NAPSA: variants seen among roughly 807,000 people sequenced by gnomAD.
NAPSA encodes napsin-A.
Under a neutral mutation model 36.7 loss-of-function variants are expected in NAPSA, and 37 were observed. The observed-to-expected ratio is 1.01, with a 90% CI of 0.78 to 1.33. The LOEUF (loss-of-function observed/expected upper bound fraction) is 1.33. Ranked by LOEUF, NAPSA falls within the 40% of genes most tolerant of loss-of-function variation. NAPSA has a pLI of 0.00. For missense variants in NAPSA, 532 were observed against 543.8 expected (o/e 0.98, Z 0.21); for synonymous variants, 222 against 234.5 (o/e 0.95, Z 0.49).
intron 5 of NAPSA, among the ~76,000 whole-genome samples, chr19:50,360,293 G>A (rs949934268): frequency 3.9e-5 from 6 of 152,176 alleles, no homozygotes; most frequent in Non-Finnish European, 8.8e-5. Context: ...GGCTGAGAGC[G>A]ATGGGAACAG....
upstream of NAPSA, chr19:50,365,741 C>T (rs767205270): frequency 1.6e-4 from 117 of 748,952 alleles, 1 homozygote; most frequent in Middle Eastern, 1.1e-3. Context: ...GAAATCTGTC[C>T]GCAGGTGACG....
chr19:50,363,589 G>A (rs1253844794), intron 1 of NAPSA, among the ~76,000 whole-genome samples: 1 of 151,410 alleles, frequency 6.6e-6, no homozygotes, highest in Non-Finnish European at 1.5e-5. Context: ...TTTAGACAAG[G>A]TGTCACCCTG....
chr19:50,369,099 A>G (rs2037584391), upstream of NAPSA: 1 of 152,210 alleles, frequency 6.6e-6, no homozygotes, highest in Non-Finnish European at 1.5e-5. Flanking sequence ...ATCTTTCCCG[A>G]ATCCCCTCAG....
chr19:50,362,715 C>T (rs779685412), intron 1 of NAPSA: 4 of 157,298 alleles, frequency 2.5e-5, no homozygotes, highest in Non-Finnish European at 5.6e-5. Flanking sequence ...AAAATGTAAG[C>T]GTCAAATCTT....
In NAPSA at chr19:50,358,647, A is replaced by G. The variant is rs768316343; in HGVS notation, c.1169T>C (p.Met390Thr). The change falls in exon 9 of 9, where the codon ATG (methionine) becomes ACG (threonine). Residue 390 changes from methionine (M) to threonine (T), a missense_variant. Physicochemically the swap from Met to Thr is moderately conservative, Grantham distance 81. This residue lies in a region of NAPSA where 385 missense variants were observed against 371.5 expected (regional missense o/e 1.04). Coordinates refer to ENST00000253719, the MANE Select transcript of NAPSA (RefSeq NM_004851.3). ...CAGGCCCACCCGGGCGCTGCTCTTC[A>G]TGTCCCCGCGGTCGAAGACGGCCAC... ...TYVAVFDRGD[M>T]KSSARVGLAR... is the part of the protein sequence containing the mutation. The G allele has an allele frequency of 3.1e-6, 5 of 1,612,938 alleles. No individual in the cohort carries two copies. Among genetic ancestry groups the G allele is most frequent in the Non-Finnish European group, 4.2e-6 (5 of 1,179,906 alleles).
chr19:50,363,131 C>T (rs1377506778), intron 1 of NAPSA, among the ~76,000 whole-genome samples: 5 of 152,212 alleles, frequency 3.3e-5, no homozygotes, highest in South Asian at 2.1e-4. Flanking sequence ...CCTTTAGTCA[C>T]TCCTTGAAGC....
At chr19:50,367,955 C>T (rs28866598), upstream of NAPSA, among the ~76,000 whole-genome samples, 1,768 of 151,384 alleles carry the variant, frequency 0.012, 38 homozygotes, top group African/African-American at 0.041. Context: ...GTCAGGAGTT[C>T]GAGGCCAGTC....
chr19:50,359,860 TC>T lies in NAPSA; in HGVS notation c.670del (p.Asp224ThrfsTer42), dbSNP rs772647545. The T allele has an allele frequency of 1.2e-5, 19 of 1,613,764 alleles. No homozygotes were observed. In the African/African-American group the frequency reaches 2.0e-4, roughly 17 times the overall value. ...KPVFSFYLNR[D>X]PEEPDGGELV... ...CTCTCCTCCATCAGGCTCTTCAGGG[TC>T]CCTGCAGGGGCAGAGTGTAGAGAGT... On this transcript the variant is annotated frameshift_variant and splice_region_variant, in exon 6 of 9. Coordinates refer to ENST00000253719, the MANE Select transcript of NAPSA (RefSeq NM_004851.3). LOFTEE classifies it high-confidence loss of function.
In NAPSA at chr19:50,363,846, G is replaced by A. The variant is rs188535502; in HGVS notation, c.84-1533C>T. Among the ~76,000 whole-genome samples, 24 of 152,210 alleles carry A rather than the reference G, an allele frequency of 1.6e-4. 1 individual carries two copies. Among genetic ancestry groups the A allele is most frequent in the African/African-American group, 5.5e-4 (23 of 41,542 alleles). On this transcript the variant is annotated intron_variant, in intron 1 of 8. Coordinates refer to ENST00000253719, the MANE Select transcript of NAPSA (RefSeq NM_004851.3). ...TTCCAAAGTGCTGGGTTACAGGTGTGAGCCATGTCTCTGGCCAAAAACATG... is the reference window on the plus strand; with the variant it reads ...TTCCAAAGTGCTGGGTTACAGGTGTAAGCCATGTCTCTGGCCAAAAACATG...
intron 5 of NAPSA, among the ~76,000 whole-genome samples, chr19:50,360,355 G>T (rs71355143): frequency 0.025 from 3,851 of 152,236 alleles, 66 homozygotes; most frequent in African/African-American, 0.038. Flanking sequence ...TAGGTGGTTG[G>T]TAGAACTGCT....
At chr19:50,366,646 GTTATTTATTTAT>G (rs56341915), upstream of NAPSA, among the ~76,000 whole-genome samples, 1,621 of 145,044 alleles carry the variant, frequency 0.011, 27 homozygotes, top group African/African-American at 0.034. Flanking sequence ...GCATTGATGA[GTTATTTATTTAT>G]TTATTTATTT....
chr19:50,365,350 G>C (rs1226154255), intron 1 of NAPSA, among the ~76,000 whole-genome samples, 189 bp downstream of exon 1: 1 of 152,120 alleles, frequency 6.6e-6, no homozygotes, highest in Non-Finnish European at 1.5e-5. Context: ...AAGAAATCTG[G>C]TCTTAAGAGA....
In NAPSA at chr19:50,359,618, CAG is replaced by C. The variant is rs768712866; in HGVS notation, c.819_820del (p.Ala275GlnfsTer19). 4.3e-6 allele frequency: 7 copies of C among 1,614,200 alleles called. No individual in the cohort carries two copies. The highest frequency in any genetic ancestry group is 1.7e-5 in the Admixed American group (1 of 60,022). ...CAGGATGGCAGCACAGCCCTTGGCA[CAG>C]AGAGTCAGCCCTGGGCCCACCTTCA... On this transcript the variant is annotated frameshift_variant, in exon 7 of 9. Coordinates refer to ENST00000253719, the MANE Select transcript of NAPSA (RefSeq NM_004851.3). LOFTEE classifies it high-confidence loss of function.
chr19:50,364,376 G>A (rs2037515797), intron 1 of NAPSA, among the ~76,000 whole-genome samples: 2 of 150,358 alleles, frequency 1.3e-5, no homozygotes, highest in Admixed American at 6.7e-5. Flanking sequence ...AGCACTTTGC[G>A]AGGCTGAGGT....
intron 1 of NAPSA, among the ~76,000 whole-genome samples, chr19:50,363,500 C>A (rs1235975594): frequency 6.6e-6 from 1 of 152,150 alleles, no homozygotes; most frequent in Non-Finnish European, 1.5e-5. Context: ...CCCACCTCAG[C>A]CTCTGGAGTA....
chr19:50,359,361 C>G, intron 7 of NAPSA, 142 bp downstream of exon 7: 1 of 1,165,556 alleles, frequency 8.6e-7, no homozygotes, highest in Non-Finnish European at 1.2e-6. Flanking sequence ...CCACCACCCT[C>G]CAGACTATCT....
At chr19:50,358,804 T>A (rs1434803316) in intron 8 of NAPSA, 24 bp from the exon 9 acceptor site, 2 of 1,579,306 alleles carry the variant, frequency 1.3e-6, no homozygotes, top group Non-Finnish European at 1.7e-6. Flanking sequence ...AGACGACAAC[T>A]GGGTGTCGCG....
Position 50,358,993 on chromosome 19 carries a change from A to G in NAPSA, c.1035+18T>C. On this transcript the variant is annotated intron_variant, in intron 8 of 8. Transcript: ENST00000253719. ...CGTCATATGACGTCACTATGGCGTC[A>G]TGGTGATGGCCACCTACCTGGATGA... The G allele has an allele frequency of 6.2e-7, 1 of 1,602,152 alleles. No homozygotes were observed. The highest frequency in any genetic ancestry group is 2.2e-5 in the East Asian group (1 of 44,810).
chr19:50,359,401 A>C (rs1568585292), intron 7 of NAPSA, 102 bp downstream of exon 7: 2 of 1,485,194 alleles, frequency 1.3e-6, no homozygotes, highest in East Asian at 2.3e-5. Context: ...GCTGCCCTGG[A>C]AAGCCCCTTA....
Sources: allele counts gnomAD v4.1 joint callset (sites outside exome capture counted in the v4.1 genomes callset), GRCh38; gene constraint gnomAD v4.1.1; regional missense constraint gnomAD v4.1.1; transcripts MANE v1.5; gene names NCBI Gene and HGNC (gene_info 2026-07-23, HGNC 2026-07-21).